GFUS: variants seen among roughly 807,000 people sequenced by gnomAD.
GFUS encodes GDP-L-fucose synthase.
In GFUS, 42 loss-of-function variants were observed where a neutral mutation model predicts 41.5. The ratio of observed to expected loss-of-function variants is 1.01; its 90% CI spans 0.79 to 1.31. The LOEUF (loss-of-function observed/expected upper bound fraction) is 1.31. Ranked by LOEUF, GFUS falls within the 50% of genes most tolerant of loss-of-function variation. The probability of loss-of-function intolerance (pLI) is 0.00; values close to 1 mark genes in which losing one functional copy is unlikely to be tolerated. For missense variants in GFUS, 437 were observed against 428.7 expected (o/e 1.02, Z -0.17); for synonymous variants, 188 against 173.4 (o/e 1.08, Z -0.66).
At chr8:143,614,082 C>A in intron 7 of GFUS, 82 bp downstream of exon 7, 10 of 1,571,652 alleles carry the variant, frequency 6.4e-6, no homozygotes, top group Non-Finnish European at 8.6e-6. Context: ...TCCTGCACCA[C>A]CTCCCCGACA....
Position 143,616,009 on chromosome 8 carries a change from G to A in GFUS, c.261+97C>T. 4 of 1,037,824 alleles carry A rather than the reference G, an allele frequency of 3.9e-6. No homozygotes were observed. The East Asian group carries it at 7.4e-5, about 19-fold the overall frequency. The allele number at this position is 1,037,824 out of a possible 1,614,324, so 64.3% of individuals were successfully genotyped here. On this transcript the variant is annotated intron_variant, in intron 3 of 10. Coordinates refer to ENST00000425753, the MANE Select transcript of GFUS (RefSeq NM_003313.4). ...CCCTGATCCTCAGGGACTTCCTGGG[G>A]TGGGAATGTGGGCCTGTGAGAGTGG...
rs1391523774 is a variant in GFUS at position 143,615,113 on chromosome 8, A to C, written c.262-198T>G. 5.3e-5 allele frequency among the ~76,000 whole-genome samples: 8 copies of C among 152,002 alleles called. No individual in the cohort carries two copies. The East Asian group carries it at 1.6e-3, about 30-fold the overall frequency. ...TCTCCAGCCCCACCAAGGCTGGAGG[A>C]GGGGCTGGCTCTGCCTTCCACTATG... is the stretch of plus-strand genomic sequence containing the variant. On this transcript the variant is annotated intron_variant, in intron 3 of 10. Transcript: ENST00000425753.
intron 2 of GFUS, 63 bp downstream of exon 2, chr8:143,616,504 C>T: frequency 6.2e-7 from 1 of 1,606,992 alleles, no homozygotes; most frequent in Non-Finnish European, 8.5e-7. Context: ...GCCTGGAACT[C>T]TTAGTTCTAG....
chr8:143,613,727 G>C (rs373576557), intron 8 of GFUS, 24 bp downstream of exon 8: 1 of 1,553,448 alleles, frequency 6.4e-7, no homozygotes, highest in African/African-American at 1.4e-5. Context: ...ATGGAGGAAG[G>C]GGGCTGAGGG....
intron 3 of GFUS, among the ~76,000 whole-genome samples, chr8:143,615,611 T>G (rs1829705740): frequency 6.6e-6 from 1 of 151,992 alleles, no homozygotes; most frequent in Non-Finnish European, 1.5e-5. Context: ...GGGCCAACCC[T>G]CCGGAACACA....
chr8:143,614,493 G>T (rs765215066), intron 5 of GFUS, 40 bp from the exon 6 acceptor site: 31 of 1,585,730 alleles, frequency 2.0e-5, no homozygotes, highest in Admixed American at 1.9e-4. Flanking sequence ...TCCTGGGCCC[G>T]CGATCCCACC....
chr8:143,613,497 A>G, intron 9 of GFUS, 27 bp downstream of exon 9: 2 of 1,607,594 alleles, frequency 1.2e-6, no homozygotes, highest in Non-Finnish European at 1.7e-6. Context: ...CCCCCGCCCA[A>G]CCCCCAGCAC....
At position 143,614,180 on chromosome 8, in the gene GFUS, T is replaced by G. The variant is rs1829655285; in HGVS notation, c.647A>C (p.Gln216Pro). 6.2e-7 allele frequency: 1 copy of G among 1,613,370 alleles called. No individual in the cohort carries two copies. Among genetic ancestry groups the G allele is most frequent in the African/African-American group, 1.3e-5 (1 of 74,944 alleles). The change falls in exon 7 of 11, where the codon CAG becomes CCG. Residue 216 changes from glutamine to proline, a missense_variant. Transcript: ENST00000425753. ...TTTACGCACCAGCGAGTATATGAAC[T>G]GCCTCCGCGGATTCCCTGTACCCCA... is the stretch of plus-strand genomic sequence containing the variant. The part of the protein sequence containing the change: ...TVWGTGNPRR[Q>P]FIYSLDLAQL...
Position 143,614,640 on chromosome 8 carries a change from T to A in GFUS, c.448A>T (p.Ile150Phe), listed in dbSNP as rs201368998. ...NFGYSYAKRM[I>F]DVQNRAYFQQ... ...CGCGAGGACCTGTTCTGCACGTCGA[T>A]CATCCTCTTGGCATACGAGTACCCA... Residue 150 changes from isoleucine to phenylalanine, a missense_variant, in exon 5 of 11, where the codon ATC becomes TTC. By Grantham distance (21) the Ile-to-Phe change is conservative. Coordinates refer to ENST00000425753, the MANE Select transcript of GFUS (RefSeq NM_003313.4). The A allele has an allele frequency of 6.2e-7, 1 of 1,600,318 alleles. No homozygotes were observed. Among genetic ancestry groups the A allele is most frequent in the African/African-American group, 1.3e-5 (1 of 74,694 alleles).
chr8:143,615,691 G>A (rs551785605), intron 3 of GFUS, among the ~76,000 whole-genome samples: 57 of 152,318 alleles, frequency 3.7e-4, no homozygotes, highest in South Asian at 1.7e-3. Flanking sequence ...CACAGAGCGC[G>A]GTTCACACCC....
In GFUS at chr8:143,612,969, C is replaced by T; in HGVS notation, c.911-4G>A. 1 of 1,609,266 alleles carries T rather than the reference C, an allele frequency of 6.2e-7. No individual in the cohort carries two copies. The highest frequency in any genetic ancestry group is 1.7e-5 in the Admixed American group (1 of 59,582). On this transcript the variant is annotated splice_polypyrimidine_tract_variant and splice_region_variant and intron_variant, in intron 10 of 10. Transcript: ENST00000425753. ...CAAGCACAGGTCTCCTTCACCGCTG[C>T]AGAGGCAGGCAGGTGAGGGCCATGG...
At chr8:143,616,487 A>G in intron 2 of GFUS, 80 bp downstream of exon 2, 3 of 1,598,346 alleles carry the variant, frequency 1.9e-6, no homozygotes, top group Non-Finnish European at 2.6e-6. Context: ...ACTCAGCAAC[A>G]TGCCCAGCCT....
intron 8 of GFUS, 60 bp from the exon 9 acceptor site, chr8:143,613,663 C>T: frequency 1.3e-6 from 2 of 1,589,240 alleles, no homozygotes; most frequent in East Asian, 2.3e-5. Flanking sequence ...CATGAATATT[C>T]CTGCTCCCAC....
chr8:143,614,969 TAC>T, intron 3 of GFUS, 54 bp from the exon 4 acceptor site: 1 of 1,548,408 alleles, frequency 6.5e-7, no homozygotes, highest in Middle Eastern at 1.8e-4. Flanking sequence ...TCCCAGCCCT[TAC>T]CTGCTCCTCC....
Position 143,613,618 on chromosome 8 carries a change from C to T in GFUS, c.731-15G>A, listed in dbSNP as rs374288652. Reference sequence around the variant, plus strand: ...TTCCTCGCCCACTGTGGGGAGCCACCGGGTCAGGCCTCCCCTTGGTGCCAC... The same window carrying T: ...TTCCTCGCCCACTGTGGGGAGCCACTGGGTCAGGCCTCCCCTTGGTGCCAC... On this transcript the variant is annotated splice_polypyrimidine_tract_variant and intron_variant, in intron 8 of 10. Coordinates refer to ENST00000425753, the MANE Select transcript of GFUS (RefSeq NM_003313.4). 16 of 1,611,480 alleles carry T rather than the reference C, an allele frequency of 9.9e-6. No individual in the cohort carries two copies. Among genetic ancestry groups the T allele is most frequent in the Non-Finnish European group, 1.3e-5 (15 of 1,179,576 alleles).
At chr8:143,617,045 G>C (rs1171290545) in intron 1 of GFUS, 2 of 350,150 alleles carry the variant, frequency 5.7e-6, no homozygotes, top group Admixed American at 4.0e-5. Flanking sequence ...ACCTTGGGAC[G>C]GGGGCTCCTG....
intron 9 of GFUS, 74 bp from the exon 10 acceptor site, chr8:143,613,369 G>A (rs879924500): frequency 6.6e-7 from 1 of 1,523,994 alleles, no homozygotes; most frequent in Non-Finnish European, 9.1e-7. Context: ...TTGAACCTCT[G>A]CCATTCCCAG....
At chr8:143,613,402 C>T (rs751624126) in intron 9 of GFUS, 107 bp from the exon 10 acceptor site, 44 of 1,480,522 alleles carry the variant, frequency 3.0e-5, no homozygotes, top group Middle Eastern at 1.7e-4. Flanking sequence ...AGAGCTCCTC[C>T]GCCTGCCAGG....
Position 143,613,588 on chromosome 8 carries a change from T to A in GFUS, c.746A>T (p.Glu249Val). 2 of 1,611,900 alleles carry A rather than the reference T, an allele frequency of 1.2e-6. No homozygotes were observed. The highest frequency in any genetic ancestry group is 1.7e-5 in the Admixed American group (1 of 60,004). The change falls in exon 9 of 11, where the codon GAG becomes GTG. Residue 249 changes from glutamate (E) to valine (V), a missense_variant. By Grantham distance (121) the Glu-to-Val change is moderately radical. Coordinates refer to ENST00000425753, the MANE Select transcript of GFUS (RefSeq NM_003313.4). ...PIILSVGEED[E>V]VSIKEAAEAV... ...CTCGGCTGCCTCCTTGATGGAGACC[T>A]CATCTTCCTCGCCCACTGTGGGGAG...
Sources: gnomAD v4.1 joint callset for allele counts (sites outside exome capture counted in the v4.1 genomes callset) on GRCh38, gnomAD v4.1.1 for gene constraint, MANE v1.5 for transcripts, NCBI Gene and HGNC (gene_info 2026-07-23, HGNC 2026-07-21) for gene names.